Variants in SLC4A10 observed in about 807,000 individuals in gnomAD.
The protein encoded by SLC4A10 is solute carrier family 4 member 10.
Under a neutral mutation model 137.7 loss-of-function variants are expected in SLC4A10, and 42 were observed. The observed-to-expected ratio is 0.30, with a 90% CI of 0.24 to 0.39. The LOEUF (loss-of-function observed/expected upper bound fraction) is 0.39. Among genes scored for constraint, SLC4A10 ranks in the 10% least tolerant of loss-of-function variants. The pLI, the probability that SLC4A10 is intolerant of heterozygous loss-of-function variation, is 1.00. For synonymous variants in SLC4A10, 474 were observed against 464.1 expected, an observed-to-expected ratio of 1.02 and a Z score of -0.27; for missense variants, 925 against 1,355.0, an observed-to-expected ratio of 0.68 and a Z score of 4.98.
intron 6 of SLC4A10, among the ~76,000 whole-genome samples, chr2:161,868,241 G>A (rs1236424927): frequency 6.6e-6 from 1 of 151,656 alleles, no homozygotes; most frequent in African/African-American, 2.4e-5. Context: ...TTCCAATAAT[G>A]AAGTGTTTTA....
rs1342961165 is a variant in SLC4A10, at chr2:161,624,441, C to T, written c.-78C>T. On this transcript the variant is annotated 5_prime_UTR_variant, in exon 1 of 27. Coordinates refer to ENST00000446997, the MANE Select transcript of SLC4A10 (RefSeq NM_001178015.2). The stretch of plus-strand genomic sequence containing the variant: ...AGAGCTACCTGATCCGAATACTAAG[C>T]AGAGCGAGTGCCGGGCTGAGTGTAA... 1 of 1,548,184 alleles carries T rather than the reference C, an allele frequency of 6.5e-7. No homozygotes were observed. Among genetic ancestry groups the T allele is most frequent in the Non-Finnish European group, 8.7e-7 (1 of 1,144,836 alleles).
intron 1 of SLC4A10, among the ~76,000 whole-genome samples, chr2:161,687,959 A>T (rs1157085149): frequency 6.6e-6 from 1 of 152,218 alleles, no homozygotes; most frequent in East Asian, 1.9e-4. Context: ...ATATCTTCAT[A>T]GCAATGTAAG....
At chr2:161,698,670 G>T (rs979009130) in intron 1 of SLC4A10, among the ~76,000 whole-genome samples, 1 of 152,148 alleles carries the variant, frequency 6.6e-6, no homozygotes, top group Non-Finnish European at 1.5e-5. Context: ...CTTGATCATG[G>T]TGGATAAGCT....
At chr2:161,764,998 T>TACTGTTAC (rs2050643751) in intron 1 of SLC4A10, among the ~76,000 whole-genome samples, 1 of 152,168 alleles carries the variant, frequency 6.6e-6, no homozygotes, top group South Asian at 2.1e-4. Context: ...TCGGATTAGT[T>TACTGTTAC]ACTGTTACTC....
rs114083721 is a variant in SLC4A10 at position 161,934,819 on chromosome 2, G to A, written c.1998-7973G>A. 9.4e-3 allele frequency among the ~76,000 whole-genome samples: 1,420 copies of A among 151,468 alleles called. 22 individuals carry two copies. Among genetic ancestry groups the A allele is most frequent in the African/African-American group, 0.033 (1,347 of 41,322 alleles). On this transcript the variant is annotated intron_variant, in intron 15 of 26. Transcript: ENST00000446997. Reference sequence around the variant, plus strand: ...TTCTTACAGTTGTGTTGAGTTCCTCGTATATTTTAAACATTAATCTCTTAT... The same window carrying A: ...TTCTTACAGTTGTGTTGAGTTCCTCATATATTTTAAACATTAATCTCTTAT...
At chr2:161,966,810 G>A (rs535167474) in intron 23 of SLC4A10, among the ~76,000 whole-genome samples, 3 of 151,724 alleles carry the variant, frequency 2.0e-5, no homozygotes, top group South Asian at 2.1e-4. Context: ...TTTAGTAAAC[G>A]TTTGCTTTCA....
At chr2:161,883,974 G>A (rs939721462) in intron 10 of SLC4A10, among the ~76,000 whole-genome samples, 5 of 151,978 alleles carry the variant, frequency 3.3e-5, no homozygotes, top group African/African-American at 7.3e-5. Flanking sequence ...TGCGGCTCCA[G>A]GTTGATGTGT....
At chr2:161,703,559 A>G (rs2043348650) in intron 1 of SLC4A10, among the ~76,000 whole-genome samples, 1 of 151,604 alleles carries the variant, frequency 6.6e-6, no homozygotes, top group South Asian at 2.1e-4. Flanking sequence ...GATATGAAGC[A>G]CTTTTGTAAC....
Position 161,919,934 on chromosome 2 carries a change from G to A in SLC4A10, c.1997+14047G>A, listed in dbSNP as rs554303264. Among the ~76,000 whole-genome samples the A allele has an allele frequency of 3.0e-3, 464 of 152,290 alleles. 4 individuals carry two copies. In the Middle Eastern group the frequency reaches 0.037, roughly 12 times the overall value. On this transcript the variant is annotated intron_variant, in intron 15 of 26. Coordinates refer to ENST00000446997, the MANE Select transcript of SLC4A10 (RefSeq NM_001178015.2). Reference sequence around the variant, plus strand: ...GTTCCTGGTGTCTCCAAGCTTCTGGGTGCCACCACGTTCCCCAGAGCCTGC... The same window carrying A: ...GTTCCTGGTGTCTCCAAGCTTCTGGATGCCACCACGTTCCCCAGAGCCTGC...
chr2:161,923,979 T>C (rs540125541), intron 15 of SLC4A10, among the ~76,000 whole-genome samples: 27 of 152,242 alleles, frequency 1.8e-4, no homozygotes, highest in African/African-American at 6.3e-4. Flanking sequence ...GAAACCTGGC[T>C]GGAGACCTCA....
chr2:161,876,120 A>G (rs2061433930), intron 8 of SLC4A10, among the ~76,000 whole-genome samples: 1 of 152,108 alleles, frequency 6.6e-6, no homozygotes, highest in African/African-American at 2.4e-5. Flanking sequence ...TTCCACTACC[A>G]GCATAAAGGT....
intron 1 of SLC4A10, chr2:161,710,819 G>T (rs1464341173): frequency 2.4e-6 from 1 of 411,986 alleles, no homozygotes; most frequent in Non-Finnish European, 4.9e-6. Context: ...GCTGAGCATT[G>T]GATGATACTG....
At chr2:161,873,336 A>G (rs145198536) in intron 7 of SLC4A10, among the ~76,000 whole-genome samples, 21 of 152,136 alleles carry the variant, frequency 1.4e-4, no homozygotes, top group African/African-American at 4.8e-4. Context: ...TATATGTGCC[A>G]TTGCAAGCTA....
intron 15 of SLC4A10, among the ~76,000 whole-genome samples, chr2:161,928,580 A>G (rs953369652): frequency 3.1e-4 from 46 of 150,482 alleles, no homozygotes; most frequent in Non-Finnish European, 5.2e-4. Flanking sequence ...ATTAAAAAAA[A>G]AAACAAACTT....
chr2:161,943,535 T>C (rs1411262461), intron 16 of SLC4A10, among the ~76,000 whole-genome samples: 5 of 152,166 alleles, frequency 3.3e-5, no homozygotes, highest in Non-Finnish European at 4.4e-5. Flanking sequence ...TACCTGCATT[T>C]CTCTATTTTT....
chr2:161,821,964 A>C (rs1021429531), intron 3 of SLC4A10, among the ~76,000 whole-genome samples: 95 of 152,292 alleles, frequency 6.2e-4, no homozygotes, highest in African/African-American at 2.2e-3. Flanking sequence ...AGATGACCCT[A>C]TTTCAATAAA....
intron 1 of SLC4A10, among the ~76,000 whole-genome samples, chr2:161,654,349 C>T (rs1405153317): frequency 6.6e-6 from 1 of 152,062 alleles, no homozygotes; most frequent in Non-Finnish European, 1.5e-5. Context: ...CTCTGTGGAG[C>T]CTTTTCACTC....
At position 161,811,246 on chromosome 2, in the gene SLC4A10, G is replaced by A. The variant is rs143908628; in HGVS notation, c.277+6651G>A. 1.3e-3 allele frequency among the ~76,000 whole-genome samples: 195 copies of A among 151,546 alleles called. 1 individual carries two copies. The highest frequency in any genetic ancestry group is 4.5e-3 in the African/African-American group (187 of 41,430). ...TGTCATTTTTGATTGTGCTTATTTG[G>A]GTCTTCTCTTTTTTTGTTAATCTAA... On this transcript the variant is annotated intron_variant, in intron 3 of 26. Coordinates refer to ENST00000446997, the MANE Select transcript of SLC4A10 (RefSeq NM_001178015.2).
At chr2:161,642,513 G>T (rs1325512055) in intron 1 of SLC4A10, among the ~76,000 whole-genome samples, 1 of 151,856 alleles carries the variant, frequency 6.6e-6, no homozygotes, top group Admixed American at 6.6e-5. Context: ...AAAGGCACAA[G>T]AATGTTTGGC....
Sources: gnomAD v4.1 joint callset for allele counts (sites outside exome capture counted in the v4.1 genomes callset) on GRCh38, gnomAD v4.1.1 for gene constraint, MANE v1.5 for transcripts, NCBI Gene and HGNC (gene_info 2026-07-23, HGNC 2026-07-21) for gene names.